NDRG2: variants seen among roughly 807,000 people sequenced by gnomAD.
NDRG2 encodes protein NDRG2.
In NDRG2, 34 loss-of-function variants were observed where a neutral mutation model predicts 58.2. The observed-to-expected ratio is 0.58, with a 90% CI of 0.44 to 0.78. The LOEUF is 0.78. Ranked by LOEUF, NDRG2 falls within the 30% of genes least tolerant of loss-of-function variation. The pLI is 0.00. For synonymous variants in NDRG2, 187 were observed against 175.9 expected (o/e 1.06, Z -0.50); for missense variants, 434 against 471.2 (o/e 0.92, Z 0.73).
intron 1 of NDRG2, chr14:21,034,228 T>G (rs1314773187): frequency 1.9e-6 from 3 of 1,614,138 alleles, no homozygotes; most frequent in Non-Finnish European, 2.5e-6. Context: ...TTGATGTCCA[T>G]GACCAGAGTT....
intron 3 of NDRG2, 63 bp downstream of exon 3, chr14:21,022,801 A>C: frequency 6.5e-7 from 1 of 1,539,718 alleles, no homozygotes; most frequent in Non-Finnish European, 8.9e-7. Flanking sequence ...AGCAGAGGCC[A>C]TCCTTCTACT....
At position 21,017,491 on chromosome 14, in the gene NDRG2, GC is replaced by G. The variant is rs1225980591; in HGVS notation, c.*104del. 1 of 1,270,756 alleles carries G rather than the reference GC, an allele frequency of 7.9e-7. No homozygotes were observed. Among genetic ancestry groups the G allele is most frequent in the Non-Finnish European group, 1.1e-6 (1 of 925,100 alleles). 78.7% of individuals were successfully genotyped at this position (1,270,756 alleles called of 1,614,324 possible). ...TCAAGGTCATCTCCCCGCATGATCT[GC>G]CCTTTTTCCCTTGCTTACGGTGGCC... On this transcript the variant is annotated 3_prime_UTR_variant, in exon 16 of 16. Coordinates refer to ENST00000556147, the MANE Select transcript of NDRG2 (RefSeq NM_001320329.2).
rs114256380 is a variant in NDRG2 at position 21,066,146 on chromosome 14, C to T, written c.24+4682G>A. Among the ~76,000 whole-genome samples, 985 of 152,214 alleles carry T rather than the reference C, an allele frequency of 6.5e-3. 12 individuals carry two copies. Among genetic ancestry groups the T allele is most frequent in the African/African-American group, 0.023 (957 of 41,536 alleles). ...AAAACCTGAAAAGCTGAAAGAAGTC[C>T]ACTGTGGCTGCAGGGTCACTAGTGG... On this transcript the variant is annotated intron_variant, in intron 1 of 14. Transcript: ENST00000403829.
chr14:21,024,135 C>G lies in NDRG2; in HGVS notation c.-112G>C. The G allele has an allele frequency of 9.1e-6, 9 of 985,446 alleles. No homozygotes were observed. Among genetic ancestry groups the G allele is most frequent in the Non-Finnish European group, 1.1e-5 (9 of 829,958 alleles). The allele number at this position is 985,446 out of a possible 1,614,324, so 61.0% of individuals were successfully genotyped here. A position where few individuals can be genotyped will look rare whatever the true frequency, so the allele number is the denominator to read the frequency against. ...GCAACGAGGTGAATGACATGGGAGACAGACCTGGGGTCTTTCAGGGACGGA... is the reference window on the plus strand; with the variant it reads ...GCAACGAGGTGAATGACATGGGAGAGAGACCTGGGGTCTTTCAGGGACGGA... On this transcript the variant is annotated 5_prime_UTR_variant, in exon 1 of 16. Transcript: ENST00000556147.
At position 21,018,340 on chromosome 14, in the gene NDRG2, C is replaced by T. The variant is rs561539197; in HGVS notation, c.862-101G>A. On this transcript the variant is annotated intron_variant, in intron 13 of 15. Transcript: ENST00000556147. ...CTTCCCTAGCTTCTTCACTCTAGCC[C>T]CTTTGTTTTGTTCTTCGTTCACCCC... is the stretch of plus-strand genomic sequence containing the variant. 27 of 1,602,282 alleles carry T rather than the reference C, an allele frequency of 1.7e-5. No homozygotes were observed. In the Middle Eastern group the frequency reaches 9.9e-4, roughly 59 times the overall value.
At chr14:21,053,117 G>A (rs544149320) in intron 1 of NDRG2, among the ~76,000 whole-genome samples, 5 of 152,266 alleles carry the variant, frequency 3.3e-5, no homozygotes, top group African/African-American at 1.2e-4. Context: ...CAACAGAACT[G>A]GGTGCCTGAT....
intron 1 of NDRG2, among the ~76,000 whole-genome samples, chr14:21,067,670 C>G (rs1170373294): frequency 6.6e-6 from 1 of 151,788 alleles, no homozygotes; most frequent in African/African-American, 2.4e-5. Flanking sequence ...TGGTCTATTC[C>G]CAGCCTCTAA....
intron 1 of NDRG2, chr14:21,032,924 T>C (rs1436052311): frequency 2.2e-6 from 1 of 455,896 alleles, no homozygotes; most frequent in Admixed American, 2.3e-5. Flanking sequence ...CCCCCAATGG[T>C]TACATCTTAC....
At chr14:21,069,473 G>C (rs1886498078) in intron 1 of NDRG2, among the ~76,000 whole-genome samples, 1 of 152,206 alleles carries the variant, frequency 6.6e-6, no homozygotes, top group African/African-American at 2.4e-5. Context: ...TAGAGAGGTA[G>C]GGATGCGGAA....
At chr14:21,041,362 T>A (rs1173529674) in intron 1 of NDRG2, among the ~76,000 whole-genome samples, 2 of 152,188 alleles carry the variant, frequency 1.3e-5, no homozygotes, top group Non-Finnish European at 2.9e-5. Flanking sequence ...TCGATAAATG[T>A]TTGTTGACCA....
chr14:21,042,674 A>C (rs1884955851), intron 1 of NDRG2, among the ~76,000 whole-genome samples: 1 of 152,182 alleles, frequency 6.6e-6, no homozygotes, highest in Non-Finnish European at 1.5e-5. Flanking sequence ...AGACACAGAC[A>C]CAGGAACATG....
chr14:21,070,435 G>GGTCTGTCT lies in NDRG2; in HGVS notation c.24+392_24+393insAGACAGAC. On this transcript the variant is annotated intron_variant, in intron 1 of 14. Coordinates refer to the NDRG2 transcript ENST00000403829. This position sits in a 1 kb window ranked among gnomAD's most constrained non-coding sequence, Gnocchi z 4.7. ...CGTCGCAGCCCCCTGGGTCCCCTCG[G>GGTCTGTCT]CCTTCGCGCAGCCCGCTCCGGGCCC... is the stretch of plus-strand genomic sequence containing the variant. The GGTCTGTCT allele has an allele frequency of 7.2e-7, 1 of 1,386,166 alleles. No individual in the cohort carries two copies. The highest frequency in any genetic ancestry group is 1.7e-5 in the South Asian group (1 of 59,206). The allele number at this position is 1,386,166 out of a possible 1,614,324, so 85.9% of individuals were successfully genotyped here. A position where few individuals can be genotyped will look rare whatever the true frequency, so the allele number is the denominator to read the frequency against.
At chr14:21,030,580 C>G, upstream of NDRG2, 3 of 1,613,322 alleles carry the variant, frequency 1.9e-6, no homozygotes, top group Non-Finnish European at 2.5e-6. Context: ...CTCTAGCTGA[C>G]CATGGCATCA....
Position 21,018,351 on chromosome 14 carries a change from T to C in NDRG2, c.861+106A>G. ...TCTTCACTCTAGCCCCTTTGTTTTG[T>C]TCTTCGTTCACCCCATTTGCTCCCA... On this transcript the variant is annotated intron_variant, in intron 13 of 15. Coordinates refer to ENST00000556147, the MANE Select transcript of NDRG2 (RefSeq NM_001320329.2). The C allele has an allele frequency of 2.5e-6, 4 of 1,601,858 alleles. No individual in the cohort carries two copies. The East Asian group carries it at 6.7e-5, about 27-fold the overall frequency.
intron 1 of NDRG2, among the ~76,000 whole-genome samples, chr14:21,065,622 A>G (rs769007384): frequency 5.3e-5 from 8 of 152,222 alleles, no homozygotes; most frequent in Non-Finnish European, 1.0e-4. Context: ...TGGGTGAGAG[A>G]CCACTTTAGA....
intron 1 of NDRG2, among the ~76,000 whole-genome samples, chr14:21,045,045 C>T (rs1037219504): frequency 6.6e-5 from 10 of 152,192 alleles, no homozygotes; most frequent in Admixed American, 4.6e-4. Context: ...ATCTATGAAA[C>T]GCTTGTCAGC....
Position 21,024,379 on chromosome 14 carries a change from G to A in NDRG2, c.-356C>T. 2 of 931,456 alleles carry A rather than the reference G, an allele frequency of 2.1e-6. No individual in the cohort carries two copies. The highest frequency in any genetic ancestry group is 2.6e-6 in the Non-Finnish European group (2 of 780,770). 57.7% of individuals were successfully genotyped at this position (931,456 alleles called of 1,614,324 possible). ...TGGCCCTGTCAGAACCTCCGGATTC[G>A]AATCCCGGCTCTGCCACTCCCAGTG... On this transcript the variant is annotated 5_prime_UTR_variant, in exon 1 of 16. Transcript: ENST00000556147.
chr14:21,033,634 C>G (rs1416359187), intron 1 of NDRG2: 15 of 612,080 alleles, frequency 2.5e-5, no homozygotes, highest in Middle Eastern at 7.1e-4. Flanking sequence ...CTGGAAAGAA[C>G]CTAGAAGATA....
intron 8 of NDRG2, 36 bp from the exon 9 acceptor site, chr14:21,020,012 T>C: frequency 6.3e-7 from 1 of 1,598,342 alleles, no homozygotes; most frequent in South Asian, 1.1e-5. Flanking sequence ...GTTCAGGGTA[T>C]TGGCCAGGCA....
Sources: allele counts gnomAD v4.1 joint callset (sites outside exome capture counted in the v4.1 genomes callset), GRCh38; gene constraint gnomAD v4.1.1; non-coding constraint Gnocchi (gnomAD v3.1); transcripts MANE v1.5; gene names NCBI Gene and HGNC (gene_info 2026-07-23, HGNC 2026-07-21).